The following ANK2 variants were observed in gnomAD, a reference collection of about 807,000 sequenced individuals.
The protein encoded by ANK2 is ankyrin 2.
ANK2 carries 83 observed loss-of-function variants against 360.5 expected under a neutral mutation model. The observed-to-expected ratio is 0.23, with a 90% CI of 0.19 to 0.28. The LOEUF is 0.28. Among genes scored for constraint, ANK2 ranks in the 10% least tolerant of loss-of-function variants. The pLI, the probability that ANK2 is intolerant of heterozygous loss-of-function variation, is 1.00. For missense variants in ANK2, 4,201 were observed against 4,795.7 expected (o/e 0.88, Z 3.66); for synonymous variants, 1,740 against 1,759.5 (o/e 0.99, Z 0.28).
In ANK2 at chr4:113,232,394, G is replaced by A; in HGVS notation, c.483+135G>A. 4 of 719,504 alleles carry A rather than the reference G, an allele frequency of 5.6e-6. No homozygotes were observed. In the South Asian group the frequency reaches 6.2e-5, roughly 11 times the overall value. The allele number at this position is 719,504 out of a possible 1,614,324, so 44.6% of individuals were successfully genotyped here. ...TCATGTTACTATTATAATCGCAACA[G>A]TGGCTGTGAACAAATGACTCAGGCT... is the stretch of plus-strand genomic sequence containing the variant. On this transcript the variant is annotated intron_variant, in intron 5 of 45. Coordinates refer to ENST00000357077, the MANE Select transcript of ANK2 (RefSeq NM_001148.6).
intron 2 of ANK2, among the ~76,000 whole-genome samples, chr4:112,955,271 T>C (rs72892500): frequency 0.1 from 15,454 of 152,128 alleles, 1,375 homozygotes; most frequent in African/African-American, 0.25. Flanking sequence ...AAATAATAAG[T>C]GACATTGCAG....
At chr4:112,957,703 C>A (rs2030673191) in intron 2 of ANK2, among the ~76,000 whole-genome samples, 1 of 151,052 alleles carries the variant, frequency 6.6e-6, no homozygotes, top group South Asian at 2.1e-4. Flanking sequence ...CTGACCCCCC[C>A]ACCTCCCTCC....
chr4:113,254,988 T>A (rs2048510870), intron 10 of ANK2, among the ~76,000 whole-genome samples: 1 of 151,816 alleles, frequency 6.6e-6, no homozygotes, highest in Non-Finnish European at 1.5e-5. Flanking sequence ...TTAAAAAAAA[T>A]GAGAGTCTTA....
intron 2 of ANK2, among the ~76,000 whole-genome samples, chr4:112,975,363 A>T (rs1300812900): frequency 6.6e-6 from 1 of 152,232 alleles, no homozygotes; most frequent in Non-Finnish European, 1.5e-5. Flanking sequence ...AATAAAAAAA[A>T]TCTCTTCAGT....
intron 2 of ANK2, among the ~76,000 whole-genome samples, chr4:112,914,449 C>T (rs1483855752): frequency 3.3e-5 from 5 of 151,968 alleles, no homozygotes; most frequent in Non-Finnish European, 7.4e-5. Flanking sequence ...GATGGAACCC[C>T]GTCTCTATTA....
rs748973308 is a variant in ANK2 at position 113,381,644 on chromosome 4, G to A, written c.*173G>A. 7 of 1,545,812 alleles carry A rather than the reference G, an allele frequency of 4.5e-6. No individual in the cohort carries two copies. Among genetic ancestry groups the A allele is most frequent in the Non-Finnish European group, 6.1e-6 (7 of 1,146,996 alleles). On this transcript the variant is annotated 3_prime_UTR_variant, in exon 46 of 46. Coordinates refer to ENST00000357077, the MANE Select transcript of ANK2 (RefSeq NM_001148.6). ...CTTGAAGCAAGAGGCCAAGTGAGGG[G>A]CTGCCCAGTTCTCACACCAGAAACC...
At chr4:113,309,838 T>A (rs1357413964) in intron 23 of ANK2, among the ~76,000 whole-genome samples, 1 of 152,194 alleles carries the variant, frequency 6.6e-6, no homozygotes, top group Non-Finnish European at 1.5e-5. Context: ...GTTTTAAATT[T>A]TTGTCTTGTC....
At chr4:112,712,409 T>A in the ANK2 span, among the ~76,000 whole-genome samples, 2,785 of 77,254 alleles carry the variant, frequency 0.036, 48 homozygotes, top group African/African-American at 0.098. Context: ...TATATATATT[T>A]TTTTTTTTTT....
chr4:113,155,894 G>GA, intron 1 of ANK2, among the ~76,000 whole-genome samples: 1 of 152,058 alleles, frequency 6.6e-6, no homozygotes, highest in Non-Finnish European at 1.5e-5. Flanking sequence ...AAAGGCAAAT[G>GA]AAAACCACAA....
chr4:113,085,530 A>T (rs1027722471), intron 1 of ANK2, among the ~76,000 whole-genome samples: 8 of 151,892 alleles, frequency 5.3e-5, no homozygotes, highest in African/African-American at 1.9e-4. Flanking sequence ...GATGGTCTTG[A>T]TCTCGTGACC....
At chr4:113,322,042 T>C (rs979949586) in intron 26 of ANK2, among the ~76,000 whole-genome samples, 17 of 152,218 alleles carry the variant, frequency 1.1e-4, no homozygotes, top group African/African-American at 3.4e-4. Flanking sequence ...AAAAAACAGA[T>C]ATTTTGATAG....
intron 2 of ANK2, among the ~76,000 whole-genome samples, chr4:113,044,193 C>T (rs2063683106): frequency 6.6e-6 from 1 of 152,128 alleles, no homozygotes; most frequent in South Asian, 2.1e-4. Context: ...AGTGATTAAA[C>T]TCGCATGAGA....
intron 2 of ANK2, among the ~76,000 whole-genome samples, chr4:113,022,523 T>C (rs1193037318): frequency 2.6e-5 from 4 of 152,206 alleles, no homozygotes; most frequent in African/African-American, 9.6e-5. Context: ...GATCATTGCC[T>C]GCCACTAGAC....
Position 113,346,042 on chromosome 4 carries a change from A to G in ANK2, c.4371+20A>G. 1.2e-6 allele frequency: 2 copies of G among 1,612,550 alleles called. No homozygotes were observed. The highest frequency in any genetic ancestry group is 1.7e-6 in the Non-Finnish European group (2 of 1,178,792). On this transcript the variant is annotated intron_variant, in intron 35 of 45. Transcript: ENST00000357077. ...ACAAAGGTATCGTAAAATCTGCTAT[A>G]GTGCAATTCAGGTAGAGTAGGAATT...
At chr4:113,244,474 A>G (rs1035755285) in intron 9 of ANK2, among the ~76,000 whole-genome samples, 2 of 152,194 alleles carry the variant, frequency 1.3e-5, no homozygotes, top group Admixed American at 6.5e-5. Flanking sequence ...AAATACTTCT[A>G]CAGTGGTCAG....
At chr4:112,863,514 CTTTTTTTT>C (rs952398354) in intron 1 of ANK2, among the ~76,000 whole-genome samples, 2 of 106,988 alleles carry the variant, frequency 1.9e-5, no homozygotes, top group African/African-American at 3.6e-5. Flanking sequence ...TTTAGAGTAT[CTTTTTTTT>C]TTTTTTTTTT....
At chr4:113,149,617 G>A (rs1422119913) in intron 1 of ANK2, among the ~76,000 whole-genome samples, 2 of 151,998 alleles carry the variant, frequency 1.3e-5, no homozygotes, top group Non-Finnish European at 2.9e-5. Flanking sequence ...GCTCGCATCT[G>A]TAATCCCATC....
intron 2 of ANK2, among the ~76,000 whole-genome samples, chr4:113,179,486 T>A (rs946085863): frequency 3.3e-5 from 5 of 152,240 alleles, no homozygotes; most frequent in African/African-American, 1.2e-4. Flanking sequence ...ATTATTTAAA[T>A]GATATGGGGA....
Position 113,086,651 on chromosome 4 carries a change from CAAAA to C in ANK2, c.84+36843_84+36846del, listed in dbSNP as rs559826229. On this transcript the variant is annotated intron_variant, in intron 1 of 45. Coordinates refer to ENST00000357077, the MANE Select transcript of ANK2 (RefSeq NM_001148.6). ...GCAAGCAAGCAAGCAAACAAACAAA[CAAAA>C]AAACCACGAAGAAAACTGAAGCACA... Among the ~76,000 whole-genome samples, 8 of 152,152 alleles carry C rather than the reference CAAAA, an allele frequency of 5.3e-5. No individual in the cohort carries two copies. In the South Asian group the frequency reaches 1.7e-3, roughly 32 times the overall value.
Sources: gnomAD v4.1 joint callset for allele counts (sites outside exome capture counted in the v4.1 genomes callset) on GRCh38, gnomAD v4.1.1 for gene constraint, MANE v1.5 for transcripts, NCBI Gene and HGNC (gene_info 2026-07-23, HGNC 2026-07-21) for gene names.